Variants in CNTN4 observed in about 807,000 individuals in gnomAD.
CNTN4 encodes the protein contactin 4, also known as contactin-4.
CNTN4 carries 77 observed loss-of-function variants against 122.5 expected under a neutral mutation model. The observed-to-expected ratio is 0.63, with a 90% CI of 0.52 to 0.76. The LOEUF (loss-of-function observed/expected upper bound fraction) is 0.76. CNTN4 is among the 30% of genes least tolerant of loss of function. The probability of loss-of-function intolerance (pLI) is 0.00; values close to 1 mark genes in which losing one functional copy is unlikely to be tolerated. For missense variants in CNTN4, 1,256 were observed against 1,259.1 expected, an observed-to-expected ratio of 1.00 and a Z score of 0.04; for synonymous variants, 512 against 447.0, an observed-to-expected ratio of 1.15 and a Z score of -1.83.
At chr3:2,135,517 C>T (rs959952945) in intron 2 of CNTN4, among the ~76,000 whole-genome samples, 1 of 152,058 alleles carries the variant, frequency 6.6e-6, no homozygotes, top group Admixed American at 6.6e-5. Flanking sequence ...ATTTGTAGTA[C>T]AGAACTTTAG....
chr3:2,199,347 G>A (rs1466519811), intron 2 of CNTN4, among the ~76,000 whole-genome samples: 1 of 151,404 alleles, frequency 6.6e-6, no homozygotes, highest in Non-Finnish European at 1.5e-5. Flanking sequence ...GTCTCTGTGT[G>A]TGTGTGTGAC....
chr3:2,238,444 A>G (rs1269858954), intron 2 of CNTN4, among the ~76,000 whole-genome samples: 1 of 152,018 alleles, frequency 6.6e-6, no homozygotes, highest in Non-Finnish European at 1.5e-5. Context: ...ATTTTTAATC[A>G]TAAAATTTCA....
At chr3:2,222,354 G>A (rs1240428657) in intron 2 of CNTN4, among the ~76,000 whole-genome samples, 2 of 152,056 alleles carry the variant, frequency 1.3e-5, no homozygotes, top group Non-Finnish European at 2.9e-5. Flanking sequence ...AATCCATAGA[G>A]ACAGAAACTA....
At chr3:2,706,967 A>T (rs571816118) in intron 4 of CNTN4, among the ~76,000 whole-genome samples, 1 of 151,470 alleles carries the variant, frequency 6.6e-6, no homozygotes, top group Admixed American at 6.6e-5. Context: ...GAAGCACTAG[A>T]TTATGTGTAT....
At chr3:2,659,986 T>C (rs1446396326) in intron 4 of CNTN4, among the ~76,000 whole-genome samples, 2 of 152,212 alleles carry the variant, frequency 1.3e-5, no homozygotes, top group African/African-American at 2.4e-5. Context: ...TTTCTGTTTG[T>C]CTTTTATTGG....
chr3:2,784,285 C>T (rs1044264608), intron 6 of CNTN4, among the ~76,000 whole-genome samples: 1 of 152,112 alleles, frequency 6.6e-6, no homozygotes, highest in African/African-American at 2.4e-5. Context: ...TCTCCCTTAC[C>T]GCCTATACTG....
At chr3:3,046,724 C>A (rs536126048) in intron 23 of CNTN4, among the ~76,000 whole-genome samples, 2 of 151,954 alleles carry the variant, frequency 1.3e-5, no homozygotes, top group Non-Finnish European at 2.9e-5. Context: ...CATCAACTAC[C>A]GAGCAAAATA....
chr3:2,845,077 C>G (rs2093431399), intron 7 of CNTN4, among the ~76,000 whole-genome samples: 1 of 152,036 alleles, frequency 6.6e-6, no homozygotes, highest in Non-Finnish European at 1.5e-5. Context: ...ATTCAAAAGG[C>G]AAGAGTTGTC....
At chr3:2,159,176 A>G (rs2035848350) in intron 2 of CNTN4, among the ~76,000 whole-genome samples, 1 of 152,204 alleles carries the variant, frequency 6.6e-6, no homozygotes, top group South Asian at 2.1e-4. Context: ...TTGATGCTCC[A>G]GAATTATACT....
chr3:2,421,214 G>A (rs866714928), intron 3 of CNTN4, among the ~76,000 whole-genome samples: 3 of 151,644 alleles, frequency 2.0e-5, no homozygotes, highest in African/African-American at 4.8e-5. Flanking sequence ...GAGGTGACTA[G>A]GAGTGAGCTT....
At chr3:2,273,608 AGTTT>A (rs1165956247) in intron 2 of CNTN4, among the ~76,000 whole-genome samples, 4 of 152,210 alleles carry the variant, frequency 2.6e-5, no homozygotes, top group Non-Finnish European at 4.4e-5. Flanking sequence ...TGAATATTCA[AGTTT>A]GTTTGTCCTA....
At chr3:2,760,554 C>T (rs369130038) in intron 6 of CNTN4, among the ~76,000 whole-genome samples, 3 of 152,152 alleles carry the variant, frequency 2.0e-5, no homozygotes. Context: ...TATGTCTGTC[C>T]CTAGGCCAGT....
intron 2 of CNTN4, among the ~76,000 whole-genome samples, chr3:2,290,135 A>G (rs1486477920): frequency 6.6e-6 from 1 of 152,188 alleles, no homozygotes; most frequent in Non-Finnish European, 1.5e-5. Flanking sequence ...GGAAAAAATG[A>G]AACAACAGTT....
At chr3:2,982,259 G>T (rs985327560) in intron 13 of CNTN4, among the ~76,000 whole-genome samples, 3 of 152,086 alleles carry the variant, frequency 2.0e-5, no homozygotes, top group Non-Finnish European at 4.4e-5. Flanking sequence ...CAGTCATCAC[G>T]GAATCATCTT....
At chr3:2,713,264 G>A (rs113054149) in intron 4 of CNTN4, among the ~76,000 whole-genome samples, 11 of 152,176 alleles carry the variant, frequency 7.2e-5, no homozygotes, top group Admixed American at 1.3e-4. Flanking sequence ...TTGGTGGTGG[G>A]AAGAAACCCC....
At chr3:2,423,764 T>TA (rs1199953050) in intron 3 of CNTN4, among the ~76,000 whole-genome samples, 1 of 152,046 alleles carries the variant, frequency 6.6e-6, no homozygotes, top group Non-Finnish European at 1.5e-5. Context: ...CCCTGTTAAT[T>TA]ACAAAACCTC....
At chr3:2,376,931 G>A (rs1459312765) in intron 3 of CNTN4, among the ~76,000 whole-genome samples, 3 of 152,058 alleles carry the variant, frequency 2.0e-5, no homozygotes, top group Non-Finnish European at 4.4e-5. Flanking sequence ...ACTGAGGCGG[G>A]TGGATCACGA....
intron 10 of CNTN4, 59 bp downstream of exon 10, chr3:2,887,283 T>C (rs906399935): frequency 2.6e-6 from 4 of 1,523,034 alleles, no homozygotes; most frequent in Non-Finnish European, 3.6e-6. Flanking sequence ...GATATTGAAA[T>C]CATAAGCTGA....
intron 6 of CNTN4, among the ~76,000 whole-genome samples, chr3:2,746,026 A>C (rs4685548): frequency 0.8 from 93,270 of 117,258 alleles, 39,431 homozygotes; most frequent in Non-Finnish European, 0.9. Flanking sequence ...TGACACCCAC[A>C]CACACCCACA....
Sources: gnomAD v4.1 joint callset for allele counts (sites outside exome capture counted in the v4.1 genomes callset) on GRCh38, gnomAD v4.1.1 for gene constraint, MANE v1.5 for transcripts, NCBI Gene and HGNC (gene_info 2026-07-23, HGNC 2026-07-21) for gene names.